Variants in TPO observed in about 807,000 individuals in gnomAD.
The protein encoded by TPO is thyroid microsomal antigen.
Under a neutral mutation model 96.9 loss-of-function variants are expected in TPO, and 78 were observed. The ratio of observed to expected loss-of-function variants is 0.81; its 90% CI spans 0.67 to 0.97. The LOEUF (loss-of-function observed/expected upper bound fraction) is 0.97. Ranked by LOEUF, TPO falls within the 50% of genes least tolerant of loss-of-function variation. The probability of loss-of-function intolerance (pLI) is 0.00; values close to 1 mark genes in which losing one functional copy is unlikely to be tolerated. For synonymous variants in TPO, 547 were observed against 538.0 expected (o/e 1.02, Z -0.23); for missense variants, 1,252 against 1,274.8 (o/e 0.98, Z 0.27).
At chr2:1,425,509 A>G (rs1258927906) in intron 3 of TPO, among the ~76,000 whole-genome samples, 1 of 151,416 alleles carries the variant, frequency 6.6e-6, no homozygotes, top group East Asian at 2.0e-4. Flanking sequence ...CTCCTTCTGT[A>G]AAGTCATCGT....
chr2:1,524,246 C>CCACTGTGTGCAACCTCCTCAAATCCCCA lies in TPO; in HGVS notation c.2618+7288_2618+7289insCCCACACTGTGTGCAACCTCCTCAAATC, dbSNP rs1558404382. ...CTGTGTGCAACCTCCTCAAATCCCC[C>CCACTGTGTGCAACCTCCTCAAATCCCCA]CACTGTGTGCAACCTCCTCAAATCT... On this transcript the variant is annotated intron_variant, in intron 15 of 16. Transcript: ENST00000329066. 4.6e-3 allele frequency among the ~76,000 whole-genome samples: 667 copies of CCACTGTGTGCAACCTCCTCAAATCCCCA among 145,772 alleles called. 13 individuals carry two copies. The highest frequency in any genetic ancestry group is 0.017 in the African/African-American group (641 of 37,486).
chr2:1,542,687 T>C lies in TPO; in HGVS notation c.*213T>C, dbSNP rs1680896807. The C allele has an allele frequency of 2.8e-6, 4 of 1,432,202 alleles. No individual in the cohort carries two copies. Among genetic ancestry groups the C allele is most frequent in the Non-Finnish European group, 3.8e-6 (4 of 1,052,476 alleles). The allele number at this position is 1,432,202 out of a possible 1,614,324, so 88.7% of individuals were successfully genotyped here. A position where few individuals can be genotyped will look rare whatever the true frequency, so the allele number is the denominator to read the frequency against. On this transcript the variant is annotated 3_prime_UTR_variant, in exon 17 of 17. Transcript: ENST00000329066. Reference sequence around the variant, plus strand: ...TTTCTTGTAAACATTGCCTGATTTGTTCCTTCTGGGGCTTTGCCATTAAAA... The same window carrying C: ...TTTCTTGTAAACATTGCCTGATTTGCTCCTTCTGGGGCTTTGCCATTAAAA...
At chr2:1,441,457 A>G (rs2148523427) in intron 5 of TPO, among the ~76,000 whole-genome samples, 1 of 152,354 alleles carries the variant, frequency 6.6e-6, no homozygotes, top group Middle Eastern at 3.4e-3. Flanking sequence ...ATCTCTAAAT[A>G]TAAAGCTTAA....
intron 3 of TPO, among the ~76,000 whole-genome samples, chr2:1,427,179 A>C (rs867931426): frequency 6.6e-6 from 1 of 152,362 alleles, no homozygotes; most frequent in African/African-American, 2.4e-5. Context: ...GGCTGCACAC[A>C]GAAGGGGCCA....
intron 5 of TPO, among the ~76,000 whole-genome samples, chr2:1,451,693 G>A (rs1464083): frequency 0.41 from 62,141 of 152,052 alleles, 13,286 homozygotes; most frequent in East Asian, 0.49. Context: ...CCACACGGGC[G>A]TGACTGACAG....
intron 14 of TPO, among the ~76,000 whole-genome samples, chr2:1,508,135 G>T (rs1673679613): frequency 6.6e-6 from 1 of 152,068 alleles, no homozygotes; most frequent in Admixed American, 6.5e-5. Context: ...TGCATCTATT[G>T]AGATAATCAT....
At chr2:1,445,414 T>C (rs1431290864) in intron 5 of TPO, among the ~76,000 whole-genome samples, 4 of 67,066 alleles carry the variant, frequency 6.0e-5, no homozygotes, top group African/African-American at 1.2e-4. Context: ...CTGCAGGAGG[T>C]ACCCTGTTGG....
intron 1 of TPO, among the ~76,000 whole-genome samples, chr2:1,402,884 A>G (rs181465909): frequency 6.6e-6 from 1 of 152,258 alleles, no homozygotes; most frequent in Non-Finnish European, 1.5e-5. Flanking sequence ...TTGGAAACTG[A>G]GCGCCAGTTT....
chr2:1,408,729 A>T (rs755836227), upstream of TPO, among the ~76,000 whole-genome samples: 17 of 152,222 alleles, frequency 1.1e-4, no homozygotes, highest in African/African-American at 1.7e-4. Context: ...TTGATGTTCA[A>T]TCGGCCTACT....
chr2:1,451,157 C>T (rs773811003), intron 5 of TPO, among the ~76,000 whole-genome samples: 4 of 152,142 alleles, frequency 2.6e-5, no homozygotes, highest in African/African-American at 9.7e-5. Context: ...CTCTAATGTA[C>T]GGAGCTGCGT....
intron 9 of TPO, among the ~76,000 whole-genome samples, chr2:1,485,749 G>T (rs1409373365): frequency 2.6e-5 from 4 of 152,120 alleles, no homozygotes; most frequent in African/African-American, 7.2e-5. Context: ...TTTTGATGGG[G>T]TTGTTTGTTT....
Position 1,415,153 on chromosome 2 carries a change from G to A in TPO, c.94+651G>A, listed in dbSNP as rs548733504. Among the ~76,000 whole-genome samples, 89 of 147,236 alleles carry A rather than the reference G, an allele frequency of 6.0e-4. 1 individual carries two copies. The highest frequency in any genetic ancestry group is 2.3e-3 in the African/African-American group (89 of 39,344). On this transcript the variant is annotated intron_variant, in intron 2 of 16. Coordinates refer to ENST00000329066, the MANE Select transcript of TPO (RefSeq NM_001206744.2). The stretch of plus-strand genomic sequence containing the variant: ...CCTGGGCCTCTGGACACAGTCCCAG[G>A]GCCCCTGGAGCAGGTGACACCTCGC...
intron 2 of TPO, among the ~76,000 whole-genome samples, chr2:1,422,564 G>T (rs976960325): frequency 6.6e-6 from 1 of 152,204 alleles, no homozygotes; most frequent in African/African-American, 2.4e-5. Context: ...ACCGCGTCCG[G>T]AACTTCACGG....
At chr2:1,421,671 T>G (rs576542871) in intron 2 of TPO, among the ~76,000 whole-genome samples, 24 of 152,274 alleles carry the variant, frequency 1.6e-4, no homozygotes, top group Non-Finnish European at 3.2e-4. Flanking sequence ...TAAAGGAAAA[T>G]TCCAGGTGTC....
At chr2:1,444,369 GA>G (rs1666543495) in intron 5 of TPO, among the ~76,000 whole-genome samples, 3 of 151,278 alleles carry the variant, frequency 2.0e-5, no homozygotes, top group South Asian at 2.1e-4. Flanking sequence ...GAAGGGAATG[GA>G]GCTGGCTCCT....
At chr2:1,482,714 A>G (rs369349019) in intron 8 of TPO, among the ~76,000 whole-genome samples, 4 of 152,222 alleles carry the variant, frequency 2.6e-5, no homozygotes, top group South Asian at 2.1e-4. Context: ...CTCCTCTATC[A>G]CCTAGGCGGA....
intron 5 of TPO, among the ~76,000 whole-genome samples, chr2:1,442,787 G>A (rs769211648): frequency 1.2e-4 from 19 of 152,344 alleles, no homozygotes; most frequent in Non-Finnish European, 2.6e-4. Flanking sequence ...GTTGTCATGA[G>A]GCTGAAGTGA....
At chr2:1,422,323 G>A (rs1663691563) in intron 2 of TPO, among the ~76,000 whole-genome samples, 2 of 131,248 alleles carry the variant, frequency 1.5e-5, no homozygotes, top group South Asian at 4.5e-4. Flanking sequence ...GACAGACCTC[G>A]TGCAGGCGCC....
In TPO at chr2:1,477,101, C is replaced by A. The variant is rs762810333; in HGVS notation, c.835C>A (p.Arg279=). The A allele has an allele frequency of 6.2e-7, 1 of 1,605,130 alleles. No homozygotes were observed. Among genetic ancestry groups the A allele is most frequent in the Non-Finnish European group, 8.5e-7 (1 of 1,177,986 alleles). ...CFPIQLPEEA[R]PAAGTACLPF... ...TTGCCTGCAGCTCCCGGAGGAGGCCCGGCCGGCCGCGGGCACCGCCTGTCT... is the reference window on the plus strand; with the variant it reads ...TTGCCTGCAGCTCCCGGAGGAGGCCAGGCCGGCCGCGGGCACCGCCTGTCT... Residue 279 remains arginine (R), a synonymous_variant, in exon 8 of 17, where the codon CGG becomes AGG. Coordinates refer to ENST00000329066, the MANE Select transcript of TPO (RefSeq NM_001206744.2).
Sources: gnomAD v4.1 joint callset for allele counts (sites outside exome capture counted in the v4.1 genomes callset) on GRCh38, gnomAD v4.1.1 for gene constraint, MANE v1.5 for transcripts, NCBI Gene and HGNC (gene_info 2026-07-23, HGNC 2026-07-21) for gene names.